CPA5: variants seen among roughly 807,000 people sequenced by gnomAD.
The protein encoded by CPA5 is carboxypeptidase A5, also known as testicular tissue protein Li 32.
CPA5 carries 38 observed loss-of-function variants against 52.2 expected under a neutral mutation model. That is an observed-to-expected ratio of 0.73 (90% CI 0.56 to 0.95). The LOEUF (loss-of-function observed/expected upper bound fraction) is 0.95, where lower values mean the gene tolerates loss of function less well. Ranked by LOEUF, CPA5 falls within the 40% of genes least tolerant of loss-of-function variation. The pLI is 0.00. For synonymous variants in CPA5, 198 were observed against 213.7 expected (o/e 0.93, Z 0.64); for missense variants, 519 against 566.7 (o/e 0.92, Z 0.86).
At chr7:130,355,058 T>TG (rs2117360917) in intron 5 of CPA5, among the ~76,000 whole-genome samples, 1 of 49,790 alleles carries the variant, frequency 2.0e-5, no homozygotes, top group East Asian at 7.1e-4. Flanking sequence ...GCCTGCATCA[T>TG]GGGGGTAGGG....
At chr7:130,355,568 G>A (rs1554405003) in intron 5 of CPA5, among the ~76,000 whole-genome samples, 1 of 152,136 alleles carries the variant, frequency 6.6e-6, no homozygotes, top group East Asian at 1.9e-4. Flanking sequence ...CACCACGCCT[G>A]GCTGATTTTT....
In CPA5 at chr7:130,367,991, GTGAGTGA is replaced by G; in HGVS notation, c.1123+2_1123+8del. Reference sequence around the variant, plus strand: ...TTTGGCAGCATCAGCACCACCCTCTGTGAGTGAGCCTCCCCTGGCCCTGCTTCAGACA... The same window carrying G: ...TTTGGCAGCATCAGCACCACCCTCTGGCCTCCCCTGGCCCTGCTTCAGACA... On this transcript the variant is annotated splice_donor_variant and splice_donor_5th_base_variant and intron_variant, in intron 12 of 12. Coordinates refer to ENST00000474905, the MANE Select transcript of CPA5 (RefSeq NM_080385.5). LOFTEE classifies it high-confidence loss of function. 6.2e-6 allele frequency: 10 copies of G among 1,613,950 alleles called. No individual in the cohort carries two copies. Among genetic ancestry groups the G allele is most frequent in the Non-Finnish European group, 8.5e-6 (10 of 1,179,758 alleles).
rs547763242 is a variant in CPA5, at chr7:130,366,060, G to A, written c.839-1312G>A. Among the ~76,000 whole-genome samples the A allele has an allele frequency of 5.6e-4, 85 of 152,306 alleles. No individual in the cohort carries two copies. In the South Asian group the frequency reaches 0.016, roughly 29 times the overall value. ...CCAGCAAGAGTGTGTGTCTGGGTTGGTGACTCAGGCTGGATGATTTTGTTT... is the reference window on the plus strand; with the variant it reads ...CCAGCAAGAGTGTGTGTCTGGGTTGATGACTCAGGCTGGATGATTTTGTTT... On this transcript the variant is annotated intron_variant, in intron 10 of 12. Coordinates refer to ENST00000474905, the MANE Select transcript of CPA5 (RefSeq NM_080385.5).
chr7:130,347,433 A>G (rs1794834907), intron 3 of CPA5, among the ~76,000 whole-genome samples: 1 of 151,110 alleles, frequency 6.6e-6, no homozygotes, highest in Admixed American at 6.6e-5. Context: ...CATTTTACAC[A>G]TCGCCCCCCT....
chr7:130,346,292 A>C, intron 2 of CPA5, 101 bp from the exon 3 acceptor site: 1 of 461,882 alleles, frequency 2.2e-6, no homozygotes. Flanking sequence ...TTCCCAGGAG[A>C]GGATGTGCTG....
rs377699864 is a variant in CPA5 at position 130,362,572 on chromosome 7, C to T, written c.636+33C>T. On this transcript the variant is annotated intron_variant, in intron 8 of 12. Coordinates refer to ENST00000474905, the MANE Select transcript of CPA5 (RefSeq NM_080385.5). Reference sequence around the variant, plus strand: ...TGGACCTGTAGCCAAGGTGCACCCACGATGGGGGCTGCAACTGGGGGCAGG... The same window carrying T: ...TGGACCTGTAGCCAAGGTGCACCCATGATGGGGGCTGCAACTGGGGGCAGG... 74 of 1,485,304 alleles carry T rather than the reference C, an allele frequency of 5.0e-5. No homozygotes were observed. In the African/African-American group the frequency reaches 6.9e-4, roughly 14 times the overall value. 92.0% of individuals were successfully genotyped at this position (1,485,304 alleles called of 1,614,324 possible).
chr7:130,357,233 A>G (rs1434121933), intron 5 of CPA5, among the ~76,000 whole-genome samples: 2 of 152,176 alleles, frequency 1.3e-5, no homozygotes, highest in African/African-American at 4.8e-5. Flanking sequence ...CAAGCCAACT[A>G]GGCCTCGGGG....
In CPA5 at chr7:130,367,436, G is replaced by A. The variant is rs781886446; in HGVS notation, c.903G>A (p.Pro301=). The A allele has an allele frequency of 4.7e-5, 76 of 1,614,114 alleles. No individual in the cohort carries two copies. The highest frequency in any genetic ancestry group is 1.0e-4 in the Admixed American group (6 of 60,010). The change falls in exon 11 of 13, where the codon CCG becomes CCA. Residue 301 remains proline (P), a synonymous_variant. Coordinates refer to ENST00000474905, the MANE Select transcript of CPA5 (RefSeq NM_080385.5). ...ACGGGCCCTCCCCTCAGTCGGAGCCGGAGGTGGCTGCCATAGTGAACTTCA... is the reference window on the plus strand; with the variant it reads ...ACGGGCCCTCCCCTCAGTCGGAGCCAGAGGTGGCTGCCATAGTGAACTTCA... The part of the protein sequence containing the change: ...TYHGPSPQSE[P]EVAAIVNFIT...
downstream of CPA5, among the ~76,000 whole-genome samples, chr7:130,369,048 C>T (rs1174944153): frequency 6.6e-6 from 1 of 152,208 alleles, no homozygotes; most frequent in Non-Finnish European, 1.5e-5. Flanking sequence ...TTGGCCCAGA[C>T]AGGCCACCTC....
chr7:130,360,014 A>T (rs1795705903), intron 6 of CPA5, among the ~76,000 whole-genome samples: 1 of 152,224 alleles, frequency 6.6e-6, no homozygotes, highest in South Asian at 2.1e-4. Context: ...AGCTACCTTC[A>T]TCTTGACAGA....
rs143258695 is a variant in CPA5, at chr7:130,363,614, G to A, written c.838+105G>A. ...TGTTGACTCAACTTGGGAGGCATGG[G>A]ACAATGTAGTCAGCTAATATGCATG... is the stretch of plus-strand genomic sequence containing the variant. On this transcript the variant is annotated intron_variant, in intron 10 of 12. Transcript: ENST00000474905. 8.6e-4 allele frequency: 808 copies of A among 938,982 alleles called. 3 individuals carry two copies. Among genetic ancestry groups the A allele is most frequent in the Middle Eastern group, 2.1e-3 (10 of 4,724 alleles). 58.2% of individuals were successfully genotyped at this position (938,982 alleles called of 1,614,324 possible).
At chr7:130,352,019 A>G (rs550959009) in intron 5 of CPA5, among the ~76,000 whole-genome samples, 26 of 152,152 alleles carry the variant, frequency 1.7e-4, no homozygotes, top group Non-Finnish European at 3.1e-4. Flanking sequence ...CTACCATAGG[A>G]CCTGCTGCTT....
intron 5 of CPA5, among the ~76,000 whole-genome samples, chr7:130,350,387 T>C (rs10263039): frequency 0.67 from 102,004 of 151,950 alleles, 34,401 homozygotes; most frequent in African/African-American, 0.73. Flanking sequence ...ACAGCAAAGG[T>C]GCGGGGAGAA....
At chr7:130,349,322 T>C (rs1158871137) in intron 4 of CPA5, among the ~76,000 whole-genome samples, 1 of 152,020 alleles carries the variant, frequency 6.6e-6, no homozygotes, top group Non-Finnish European at 1.5e-5. Flanking sequence ...TAGTTCCAGC[T>C]ACTCAGGAGG....
At chr7:130,358,473 G>A (rs1795616874) in intron 5 of CPA5, among the ~76,000 whole-genome samples, 1 of 152,130 alleles carries the variant, frequency 6.6e-6, no homozygotes. Flanking sequence ...GCTCATTTCT[G>A]TCCTGTTTTC....
At chr7:130,353,364 C>T (rs1464939124) in intron 5 of CPA5, among the ~76,000 whole-genome samples, 1 of 152,176 alleles carries the variant, frequency 6.6e-6, no homozygotes, top group African/African-American at 2.4e-5. Context: ...ACTGGTCACT[C>T]TCTCCTTCCT....
At chr7:130,358,697 G>T (rs1207174333) in intron 5 of CPA5, among the ~76,000 whole-genome samples, 1 of 152,190 alleles carries the variant, frequency 6.6e-6, no homozygotes, top group Non-Finnish European at 1.5e-5. Flanking sequence ...ATCCTGGGGT[G>T]CCTTGGCTCC....
In CPA5 at chr7:130,351,508, C is replaced by G. The variant is rs373212756; in HGVS notation, c.333+1399C>G. The stretch of plus-strand genomic sequence containing the variant: ...GAGTCCCTCTAGGGCTTTGCCCTCC[C>G]TCTCAGGAAAATGCTCTGACCTCTT... On this transcript the variant is annotated intron_variant, in intron 5 of 12. Coordinates refer to ENST00000474905, the MANE Select transcript of CPA5 (RefSeq NM_080385.5). Among the ~76,000 whole-genome samples the G allele has an allele frequency of 3.4e-4, 52 of 152,314 alleles. 1 individual carries two copies. The South Asian group carries it at 3.9e-3, about 12-fold the overall frequency.
intron 5 of CPA5, among the ~76,000 whole-genome samples, chr7:130,353,253 C>T (rs1554404444): frequency 1.3e-5 from 2 of 152,120 alleles, no homozygotes; most frequent in South Asian, 2.1e-4. Flanking sequence ...CAGCAGGCTG[C>T]CCACCCCCTC....
Sources: allele counts gnomAD v4.1 joint callset (sites outside exome capture counted in the v4.1 genomes callset), GRCh38; gene constraint gnomAD v4.1.1; transcripts MANE v1.5; gene names NCBI Gene and HGNC (gene_info 2026-07-23, HGNC 2026-07-21).